The following SLC44A3 variants were observed in gnomAD, a reference collection of about 807,000 sequenced individuals.
SLC44A3 encodes the protein choline transporter-like protein 3.
In SLC44A3, 74 loss-of-function variants were observed where a neutral mutation model predicts 75.4. The ratio of observed to expected loss-of-function variants is 0.98; its 90% CI spans 0.81 to 1.19. The LOEUF is 1.19. SLC44A3 is among the 50% of genes most tolerant of loss of function. The pLI, the probability that SLC44A3 is intolerant of heterozygous loss-of-function variation, is 0.00. For missense variants in SLC44A3, 700 were observed against 778.6 expected (o/e 0.90, Z 1.20); for synonymous variants, 310 against 296.9 (o/e 1.04, Z -0.45).
At chr1:94,882,824 G>A (rs72962421) in intron 12 of SLC44A3, among the ~76,000 whole-genome samples, 10,366 of 150,496 alleles carry the variant, frequency 0.069, 409 homozygotes, top group African/African-American at 0.082. Flanking sequence ...CATCTTTGTC[G>A]CTTCCTCTAC....
intron 9 of SLC44A3, among the ~76,000 whole-genome samples, chr1:94,854,449 A>G (rs1267896173): frequency 6.6e-6 from 1 of 152,152 alleles, no homozygotes. Flanking sequence ...GGATCTACCC[A>G]TAGTCTACCT....
chr1:94,845,209 G>A (rs1664247865), intron 8 of SLC44A3, 69 bp from the exon 9 acceptor site: 3 of 1,428,346 alleles, frequency 2.1e-6, no homozygotes, highest in East Asian at 2.3e-5. Flanking sequence ...ATAATAGTAG[G>A]GCTTGCTTTA....
chr1:94,870,095 T>A (rs1360735834), intron 12 of SLC44A3, among the ~76,000 whole-genome samples: 2 of 152,232 alleles, frequency 1.3e-5, no homozygotes, highest in Non-Finnish European at 2.9e-5. Flanking sequence ...TGCACAGGCA[T>A]TCACTTACAA....
chr1:94,847,039 T>A (rs1376550574), intron 9 of SLC44A3, among the ~76,000 whole-genome samples: 3 of 152,244 alleles, frequency 2.0e-5, no homozygotes, highest in African/African-American at 7.2e-5. Context: ...AGGGGCTCCC[T>A]GGAAGCTCGC....
chr1:94,857,385 G>A lies in SLC44A3; in HGVS notation c.1123G>A (p.Gly375Ser). ...GGQVEYKPLS[G>S]IRYMWSYHLI... ...CCAAGTGGAATATAAGCCCCTTTCG[G>A]GCATTCGGTACATGTGGTCGTACCA... is the stretch of plus-strand genomic sequence containing the variant. The change falls in exon 10 of 15, where the codon GGC (glycine) becomes AGC (serine). Residue 375 changes from glycine to serine, a missense_variant. By Grantham distance (56) the Gly-to-Ser change is moderately conservative. Coordinates refer to ENST00000271227, the MANE Select transcript of SLC44A3 (RefSeq NM_001114106.3). 2 of 1,613,492 alleles carry A rather than the reference G, an allele frequency of 1.2e-6. No homozygotes were observed. The highest frequency in any genetic ancestry group is 1.7e-6 in the Non-Finnish European group (2 of 1,179,786).
Position 94,878,668 on chromosome 1 carries a change from G to T in SLC44A3, c.1482+11251G>T, listed in dbSNP as rs547180128. On this transcript the variant is annotated intron_variant, in intron 12 of 14. Transcript: ENST00000271227. ...GGTTCAGAAAGAAAATATCTGTCAC[G>T]CTACAAAGCCACAGTAATGAAAATG... is the stretch of plus-strand genomic sequence containing the variant. Among the ~76,000 whole-genome samples, 7 of 152,158 alleles carry T rather than the reference G, an allele frequency of 4.6e-5. No individual in the cohort carries two copies. In the East Asian group the frequency reaches 1.3e-3, roughly 29 times the overall value.
chr1:94,842,681 C>T lies in SLC44A3; in HGVS notation c.885+557C>T, dbSNP rs187251181. ...GCAACCAAATGTCATTCAGGACCCT[C>T]TCCAGGGGCCGTTAGGAAGGCTCAA... On this transcript the variant is annotated intron_variant, in intron 8 of 14. Transcript: ENST00000271227. Among the ~76,000 whole-genome samples, 619 of 152,350 alleles carry T rather than the reference C, an allele frequency of 4.1e-3. 3 individuals carry two copies. Among genetic ancestry groups the T allele is most frequent in the Non-Finnish European group, 3.9e-3 (262 of 68,040 alleles).
At chr1:94,824,973 C>T (rs537222336) in intron 3 of SLC44A3, among the ~76,000 whole-genome samples, 17 of 152,318 alleles carry the variant, frequency 1.1e-4, no homozygotes, top group Admixed American at 6.5e-4. Flanking sequence ...GTATAATAAA[C>T]GTTAATTGCT....
intron 14 of SLC44A3, 148 bp downstream of exon 14, chr1:94,892,665 A>G: frequency 1.3e-6 from 1 of 775,230 alleles, no homozygotes. Flanking sequence ...TGAAAGTGGG[A>G]TTTGCGCTGA....
intron 12 of SLC44A3, among the ~76,000 whole-genome samples, chr1:94,878,269 A>AG (rs113163261): frequency 4.0e-3 from 608 of 151,126 alleles, no homozygotes; most frequent in South Asian, 0.013. Context: ...ACAAAAAAAA[A>AG]ACAGAGAAAC....
chr1:94,884,743 G>C (rs1261412181), intron 12 of SLC44A3, among the ~76,000 whole-genome samples: 1 of 152,114 alleles, frequency 6.6e-6, no homozygotes, highest in Non-Finnish European at 1.5e-5. Context: ...TTCAGTGAGA[G>C]GACAGACTCA....
rs1470984205 is a variant in SLC44A3 at position 94,828,565 on chromosome 1, C to A, written c.488C>A (p.Pro163His). ...THSPKADSLC[P>H]RLPVPPSKSF... is the part of the protein sequence containing the mutation. Reference sequence around the variant, plus strand: ...AGTCCAAAAGCAGACTCACTGTGTCCCAGGCTACCAGTTCCTCCAAGGTAA... The same window carrying A: ...AGTCCAAAAGCAGACTCACTGTGTCACAGGCTACCAGTTCCTCCAAGGTAA... Residue 163 changes from proline to histidine, a missense_variant, in exon 5 of 15, where the codon CCC (proline) becomes CAC (histidine). Coordinates refer to ENST00000271227, the MANE Select transcript of SLC44A3 (RefSeq NM_001114106.3). 1 of 1,613,626 alleles carries A rather than the reference C, an allele frequency of 6.2e-7. No homozygotes were observed. Among genetic ancestry groups the A allele is most frequent in the Non-Finnish European group, 8.5e-7 (1 of 1,179,830 alleles).
At chr1:94,860,050 C>G (rs1666389383) in intron 10 of SLC44A3, among the ~76,000 whole-genome samples, 1 of 152,120 alleles carries the variant, frequency 6.6e-6, no homozygotes, top group Non-Finnish European at 1.5e-5. Flanking sequence ...AACTGTTTAC[C>G]AGTGATTATT....
chr1:94,820,529 G>A (rs11165252), intron 1 of SLC44A3, 51 bp downstream of exon 1: 560,749 of 1,476,684 alleles, frequency 0.38, 108,296 homozygotes, highest in East Asian at 0.58. Context: ...GGGAAGGGTC[G>A]AGTCCCCCGC....
intron 2 of SLC44A3, 58 bp downstream of exon 2, chr1:94,821,114 ACT>A (rs1360027538): frequency 3.7e-6 from 5 of 1,349,132 alleles, no homozygotes; most frequent in African/African-American, 3.6e-5. Flanking sequence ...TCTGGAAATA[ACT>A]CTGTCCCAAA....
chr1:94,827,399 C>T, intron 3 of SLC44A3, 108 bp from the exon 4 acceptor site: 1 of 1,372,716 alleles, frequency 7.3e-7, no homozygotes, highest in Non-Finnish European at 1.0e-6. Flanking sequence ...GAAAGTGTGC[C>T]TGGGTGATCC....
chr1:94,893,920 C>G (rs533585614), intron 14 of SLC44A3, among the ~76,000 whole-genome samples: 1 of 151,932 alleles, frequency 6.6e-6, no homozygotes, highest in East Asian at 2.0e-4. Flanking sequence ...CATGGTGAAA[C>G]CCTATCTCTA....
intron 10 of SLC44A3, among the ~76,000 whole-genome samples, chr1:94,859,319 T>C (rs1666291793): frequency 6.6e-6 from 1 of 152,048 alleles, no homozygotes; most frequent in Admixed American, 6.6e-5. Flanking sequence ...ACTCAAAAAA[T>C]CATGAAAGAT....
At chr1:94,846,696 C>G (rs1169935342) in intron 9 of SLC44A3, among the ~76,000 whole-genome samples, 2 of 152,206 alleles carry the variant, frequency 1.3e-5, no homozygotes. Context: ...TTTCTTAAGG[C>G]CCAAATTCAG....
Sources: gnomAD v4.1 joint callset for allele counts (sites outside exome capture counted in the v4.1 genomes callset) on GRCh38, gnomAD v4.1.1 for gene constraint, MANE v1.5 for transcripts, NCBI Gene and HGNC (gene_info 2026-07-23, HGNC 2026-07-21) for gene names.